ADGRF5: variants seen among roughly 807,000 people sequenced by gnomAD.
The protein encoded by ADGRF5 is adhesion G protein-coupled receptor F5.
A neutral mutation model predicts 132.3 loss-of-function variants in ADGRF5; 75 were observed. The ratio of observed to expected loss-of-function variants is 0.57; its 90% CI spans 0.47 to 0.69. ADGRF5 has a LOEUF of 0.69. ADGRF5 is among the 30% of genes least tolerant of loss of function. ADGRF5 has a pLI of 0.00. For missense variants in ADGRF5, 1,516 were observed against 1,630.6 expected (o/e 0.93, Z 1.21); for synonymous variants, 629 against 597.6 (o/e 1.05, Z -0.77).
chr6:46,937,254 G>C (rs1479163394), intron 1 of ADGRF5, among the ~76,000 whole-genome samples: 1 of 151,216 alleles, frequency 6.6e-6, no homozygotes, highest in African/African-American at 2.4e-5. Flanking sequence ...GTGTGTGTGA[G>C]TGTGTGTGTG....
At chr6:46,919,773 C>G (rs935008673) in intron 1 of ADGRF5, among the ~76,000 whole-genome samples, 1 of 152,146 alleles carries the variant, frequency 6.6e-6, no homozygotes, top group Non-Finnish European at 1.5e-5. Context: ...CCTAGTGGCT[C>G]TATAGTTTGG....
At chr6:46,928,394 G>A (rs1299533818) in intron 1 of ADGRF5, among the ~76,000 whole-genome samples, 1 of 152,162 alleles carries the variant, frequency 6.6e-6, no homozygotes, top group African/African-American at 2.4e-5. Flanking sequence ...GGGTAAAGGA[G>A]TGACTAAAGT....
intron 1 of ADGRF5, among the ~76,000 whole-genome samples, chr6:46,913,072 A>C (rs952280608): frequency 1.3e-5 from 2 of 152,170 alleles, no homozygotes; most frequent in African/African-American, 4.8e-5. Context: ...TGTCTTGATA[A>C]ATTCTTCTTA....
chr6:46,953,687 A>ATATATATATATATC, intron 1 of ADGRF5, among the ~76,000 whole-genome samples: 1 of 130,268 alleles, frequency 7.7e-6, no homozygotes, highest in Admixed American at 8.1e-5. Flanking sequence ...ATATATATAT[A>ATATATATATATATC]TATCTCACTG....
At chr6:46,874,940 A>C (rs1307200546) in intron 10 of ADGRF5, among the ~76,000 whole-genome samples, 1 of 152,216 alleles carries the variant, frequency 6.6e-6, no homozygotes, top group East Asian at 1.9e-4. Flanking sequence ...ATGCTGCTAC[A>C]TATCCTACAA....
At chr6:46,907,814 A>G (rs1329133487) in intron 1 of ADGRF5, 2 of 152,190 alleles carry the variant, frequency 1.3e-5, no homozygotes, top group African/African-American at 4.8e-5. Context: ...TCTGAGTCCA[A>G]GTTTTCCCAT....
chr6:46,893,920 C>A (rs983999576), intron 3 of ADGRF5, among the ~76,000 whole-genome samples: 1 of 152,174 alleles, frequency 6.6e-6, no homozygotes, highest in Non-Finnish European at 1.5e-5. Context: ...AAGTTGGCCA[C>A]AAACTGCAAC....
At chr6:46,872,644 T>C (rs1329337893) in intron 10 of ADGRF5, among the ~76,000 whole-genome samples, 3 of 152,130 alleles carry the variant, frequency 2.0e-5, no homozygotes, top group East Asian at 3.9e-4. Flanking sequence ...CCCTTCAAAA[T>C]AGCTCCCTTT....
rs150408037 is a variant in ADGRF5, at chr6:46,914,429, A to T, written c.-25+7284T>A. Among the ~76,000 whole-genome samples the T allele has an allele frequency of 3.4e-3, 517 of 152,298 alleles. 4 individuals are homozygous for T. The highest frequency in any genetic ancestry group is 0.012 in the African/African-American group (487 of 41,560). On this transcript the variant is annotated intron_variant, in intron 1 of 20. Transcript: ENST00000283296. ...TAACACAAACATGGGACACAATAACAATTAAAGAACTGCCTTGAAGACATT... is the reference window on the plus strand; with the variant it reads ...TAACACAAACATGGGACACAATAACTATTAAAGAACTGCCTTGAAGACATT...
chr6:46,888,912 T>A (rs530796119), intron 3 of ADGRF5, among the ~76,000 whole-genome samples: 1 of 152,208 alleles, frequency 6.6e-6, no homozygotes, highest in East Asian at 1.9e-4. Context: ...AGTCACCCAG[T>A]TAATTCTCTT....
chr6:46,876,969 C>T (rs1347523652), intron 10 of ADGRF5, among the ~76,000 whole-genome samples: 1 of 152,208 alleles, frequency 6.6e-6, no homozygotes, highest in Non-Finnish European at 1.5e-5. Context: ...TGAAGGTTCA[C>T]CACACTAATG....
In ADGRF5 at chr6:46,867,584, G is replaced by A. The variant is rs1187880563; in HGVS notation, c.1622-447C>T. ...CTATCTCCCATCTCTAAGTGAGCAG[G>A]CCCTTGCTCATCATGGCCCCAGAGG... is the stretch of plus-strand genomic sequence containing the variant. On this transcript the variant is annotated intron_variant, in intron 12 of 20. Transcript: ENST00000283296. Among the ~76,000 whole-genome samples the A allele has an allele frequency of 5.3e-5, 8 of 152,214 alleles. No homozygotes were observed. In the South Asian group the frequency reaches 1.0e-3, roughly 20 times the overall value.
At chr6:46,897,333 G>GA (rs1264377521) in intron 3 of ADGRF5, among the ~76,000 whole-genome samples, 1 of 151,286 alleles carries the variant, frequency 6.6e-6, no homozygotes, top group Admixed American at 6.6e-5. Context: ...AAAAAAAAAA[G>GA]AAAAAAACTC....
rs1309542674 is a variant in ADGRF5, at chr6:46,859,387, C to T, written c.2516G>A (p.Gly839Glu). The change falls in exon 17 of 21, where the codon GGA (glycine) becomes GAA (glutamate). Residue 839 changes from glycine to glutamate, a missense_variant. Coordinates refer to ENST00000283296, the MANE Select transcript of ADGRF5 (RefSeq NM_001098518.2). The part of the protein sequence containing the change: ...VERFSQALQS[G>E]DSPPLSFSQT... ...GGAGAAGGACAAAGGAGGGCTATCT[C>T]CCGACTGTAATGCTTGGGAAAATCT... The T allele has an allele frequency of 6.2e-7, 1 of 1,613,780 alleles. No individual in the cohort carries two copies.
Position 46,856,801 on chromosome 6 carries a change from C to T in ADGRF5, c.3817-24G>A, listed in dbSNP as rs372422313. ...ACCTGCATTGTTAAAAAGAAGCTAT[C>T]GTAACTTCAACATGCCACAAGCACT... is the stretch of plus-strand genomic sequence containing the variant. On this transcript the variant is annotated intron_variant, in intron 18 of 20. Transcript: ENST00000283296. 39 of 1,598,490 alleles carry T rather than the reference C, an allele frequency of 2.4e-5. No individual in the cohort carries two copies. The African/African-American group carries it at 4.3e-4, about 18-fold the overall frequency.
At chr6:46,880,188 T>G in intron 8 of ADGRF5, 149 bp from the exon 9 acceptor site, 2 of 634,054 alleles carry the variant, frequency 3.2e-6, no homozygotes, top group Non-Finnish European at 5.6e-6. Flanking sequence ...CCTCACTCCA[T>G]TCCCATGCAG....
chr6:46,877,116 T>A (rs959439606), intron 10 of ADGRF5, among the ~76,000 whole-genome samples: 1 of 152,252 alleles, frequency 6.6e-6, no homozygotes, highest in Admixed American at 6.5e-5. Flanking sequence ...AAACTCTGCC[T>A]GACTAGCTCA....
chr6:46,861,558 C>T (rs513394), intron 15 of ADGRF5, among the ~76,000 whole-genome samples: 127,221 of 152,176 alleles, frequency 0.84, 54,981 homozygotes, highest in East Asian at 0.99. Flanking sequence ...TTTTATATAA[C>T]ATACTTTCAT....
intron 1 of ADGRF5, among the ~76,000 whole-genome samples, chr6:46,941,122 G>A (rs990283588): frequency 1.3e-4 from 19 of 151,998 alleles, no homozygotes; most frequent in Admixed American, 1.1e-3. Context: ...AGCCCTTAAA[G>A]CCAGGAGTTT....
Sources: gnomAD v4.1 joint callset for allele counts (sites outside exome capture counted in the v4.1 genomes callset) on GRCh38, gnomAD v4.1.1 for gene constraint, MANE v1.5 for transcripts, NCBI Gene and HGNC (gene_info 2026-07-23, HGNC 2026-07-21) for gene names.